Variants in EXPH5 observed in about 807,000 individuals in gnomAD.
EXPH5 encodes the protein exophilin 5, also known as exophilin-5.
EXPH5 carries 42 observed loss-of-function variants against 41.1 expected under a neutral mutation model. The observed-to-expected ratio is 1.02, with a 90% CI of 0.80 to 1.32. The LOEUF (loss-of-function observed/expected upper bound fraction) is 1.32, where lower values mean the gene tolerates loss of function less well. EXPH5 is among the 40% of genes most tolerant of loss of function. The pLI is 0.00. For missense variants in EXPH5, 2,298 were observed against 2,314.5 expected, an observed-to-expected ratio of 0.99 and a Z score of 0.15; for synonymous variants, 798 against 833.5, an observed-to-expected ratio of 0.96 and a Z score of 0.73.
rs201422816 is a variant in EXPH5 at position 108,511,964 on chromosome 11, T to C, written c.3543A>G (p.Gln1181=). 5.1e-5 allele frequency: 82 copies of C among 1,599,772 alleles called. No homozygotes were observed. The highest frequency in any genetic ancestry group is 2.2e-5 in the East Asian group (1 of 44,862). ...CAGTGTATTCTTGGAAGTTTTCCTT[T>C]TGGTGTTGTCTTTTGGTTAAAGAAC... ...RDCSLTKRQH[Q]KENFQEYTEK... is the part of the protein sequence containing the mutation. The change falls in exon 6 of 6, where the codon CAA becomes CAG. Residue 1181 remains glutamine, a synonymous_variant. Transcript: ENST00000265843.
At chr11:108,533,067 T>C (rs2093853933) in intron 3 of EXPH5, among the ~76,000 whole-genome samples, 1 of 152,244 alleles carries the variant, frequency 6.6e-6, no homozygotes, top group Admixed American at 6.5e-5. Context: ...CATTCTTACC[T>C]GTACGACTTC....
intron 3 of EXPH5, among the ~76,000 whole-genome samples, chr11:108,537,092 A>G (rs2136017845): frequency 6.6e-6 from 1 of 152,338 alleles, no homozygotes; most frequent in South Asian, 2.1e-4. Context: ...CAACACTGCC[A>G]AAGAAAGTTA....
chr11:108,607,296 C>T, the EXPH5 span, among the ~76,000 whole-genome samples: 1 of 152,252 alleles, frequency 6.6e-6, no homozygotes, highest in Admixed American at 6.5e-5. Flanking sequence ...TTCAAACTGA[C>T]TTAGGCCTAT....
chr11:108,592,097 G>A (rs2094128833), intron 1 of EXPH5, among the ~76,000 whole-genome samples: 1 of 152,088 alleles, frequency 6.6e-6, no homozygotes. Flanking sequence ...ATATGTGTAG[G>A]TACATTATGC....
intron 4 of EXPH5, among the ~76,000 whole-genome samples, chr11:108,527,391 G>C (rs1251182531): frequency 6.6e-6 from 1 of 152,036 alleles, no homozygotes; most frequent in Non-Finnish European, 1.5e-5. Flanking sequence ...TGCAAAGAGA[G>C]AGGGAGGGAG....
chr11:108,520,012 T>C (rs1195323423), intron 4 of EXPH5, among the ~76,000 whole-genome samples: 1 of 151,062 alleles, frequency 6.6e-6, no homozygotes, highest in South Asian at 2.1e-4. Context: ...AAAAATGTGT[T>C]TCTATTAGAG....
chr11:108,531,523 G>T (rs774671796), intron 3 of EXPH5, among the ~76,000 whole-genome samples: 2 of 152,132 alleles, frequency 1.3e-5, no homozygotes, highest in Non-Finnish European at 2.9e-5. Context: ...AACCCTTTAA[G>T]TCTCATCTGC....
intron 4 of EXPH5, among the ~76,000 whole-genome samples, chr11:108,526,537 G>A (rs1159736721): frequency 1.3e-5 from 2 of 152,174 alleles, no homozygotes; most frequent in South Asian, 2.1e-4. Flanking sequence ...TAGGAAAACC[G>A]AGAGTACAGA....
intron 1 of EXPH5, among the ~76,000 whole-genome samples, chr11:108,576,906 CT>C (rs2094081630): frequency 6.6e-6 from 1 of 152,204 alleles, no homozygotes; most frequent in South Asian, 2.1e-4. Context: ...TTCCCAGCCT[CT>C]TGTAATCATC....
At chr11:108,595,941 T>C (rs2094138315), upstream of EXPH5, among the ~76,000 whole-genome samples, 2 of 152,046 alleles carry the variant, frequency 1.3e-5, no homozygotes, top group South Asian at 4.2e-4. Flanking sequence ...GTGGCTCACA[T>C]CTGTAGCCCC....
At chr11:108,585,501 GA>G (rs1229615147) in intron 1 of EXPH5, among the ~76,000 whole-genome samples, 1 of 152,168 alleles carries the variant, frequency 6.6e-6, no homozygotes, top group Non-Finnish European at 1.5e-5. Context: ...TGAGGAGGGG[GA>G]CTTCACCAAA....
At chr11:108,578,967 C>G (rs2094088907) in intron 1 of EXPH5, among the ~76,000 whole-genome samples, 1 of 152,156 alleles carries the variant, frequency 6.6e-6, no homozygotes. Flanking sequence ...ACAATGATTT[C>G]TTTCTTTCCA....
At position 108,511,176 on chromosome 11, in the gene EXPH5, G is replaced by C. The variant is rs1297739228; in HGVS notation, c.4331C>G (p.Ser1444Cys). ...NIGNSQTRRS[S>C]WECTGSGRAI... ...TCTACCACTCCCTGTACACTCCCAA[G>C]AACTTCTTCTAGTTTGGGAATTTCC... Residue 1444 changes from serine (S) to cysteine (C), a missense_variant, in exon 6 of 6, where the codon TCT becomes TGT. By Grantham distance (112) the Ser-to-Cys change is moderately radical. Transcript: ENST00000265843. The C allele has an allele frequency of 6.2e-7, 1 of 1,613,026 alleles. No individual in the cohort carries two copies. The highest frequency in any genetic ancestry group is 1.1e-5 in the South Asian group (1 of 90,796).
chr11:108,593,838 T>TCCCCTCCCTCGC (rs2094134606), upstream of EXPH5: 1 of 1,194,510 alleles, frequency 8.4e-7, no homozygotes, highest in African/African-American at 1.5e-5. Context: ...CCCTCCCTCG[T>TCCCCTCCCTCGC]CCCCTCCCTC....
In EXPH5 at chr11:108,580,952, G is replaced by C. The variant is rs145032558; in HGVS notation, c.119+12466C>G. Among the ~76,000 whole-genome samples the C allele has an allele frequency of 1.4e-4, 21 of 152,298 alleles. No individual in the cohort carries two copies. The East Asian group carries it at 4.1e-3, about 29-fold the overall frequency. Reference sequence around the variant, plus strand: ...ACTTGTTAAAGGATATAAAATTCCAGCTAGAGAGGAGGAATAAGTTTTACT... The same window carrying C: ...ACTTGTTAAAGGATATAAAATTCCACCTAGAGAGGAGGAATAAGTTTTACT... On this transcript the variant is annotated intron_variant, in intron 1 of 5. Transcript: ENST00000265843.
Position 108,567,347 on chromosome 11 carries a change from G to A in EXPH5, c.120-25535C>T, listed in dbSNP as rs1477062743. 2.6e-5 allele frequency among the ~76,000 whole-genome samples: 4 copies of A among 152,336 alleles called. No homozygotes were observed. In the East Asian group the frequency reaches 7.7e-4, roughly 29 times the overall value. ...GTTATGTAGAATTGGTTTAATGGAA[G>A]CATTAAGCCATAATTGGGAGTCATT... is the stretch of plus-strand genomic sequence containing the variant. On this transcript the variant is annotated intron_variant, in intron 1 of 5. Transcript: ENST00000265843.
At chr11:108,539,238 A>G (rs1194245132) in intron 2 of EXPH5, 52 bp from the exon 3 acceptor site, 23 of 1,309,890 alleles carry the variant, frequency 1.8e-5, no homozygotes, top group Non-Finnish European at 2.4e-5. Context: ...AAGTAAATAT[A>G]CTTGAAAGAA....
chr11:108,564,770 T>A (rs372497059), intron 1 of EXPH5, among the ~76,000 whole-genome samples: 3 of 152,208 alleles, frequency 2.0e-5, no homozygotes, highest in African/African-American at 7.2e-5. Flanking sequence ...TGCTTGCCAA[T>A]GTTAGTTATG....
the EXPH5 span, among the ~76,000 whole-genome samples, chr11:108,606,529 C>CT: frequency 1.2e-4 from 19 of 152,088 alleles, no homozygotes; most frequent in African/African-American, 4.1e-4. Flanking sequence ...ACTTACTCAC[C>CT]TTTTTTTAAA....
Sources: allele counts gnomAD v4.1 joint callset (sites outside exome capture counted in the v4.1 genomes callset), GRCh38; gene constraint gnomAD v4.1.1; transcripts MANE v1.5; gene names NCBI Gene and HGNC (gene_info 2026-07-23, HGNC 2026-07-21).